The following POLR3B variants were observed in gnomAD, a reference collection of about 807,000 sequenced individuals.
The protein encoded by POLR3B is DNA-directed RNA polymerase III subunit RPC2.
In POLR3B, 96 loss-of-function variants were observed where a neutral mutation model predicts 147.4. The ratio of observed to expected loss-of-function variants is 0.65; its 90% confidence interval spans 0.55 to 0.77. The LOEUF (loss-of-function observed/expected upper bound fraction) is 0.77, where lower values mean the gene tolerates loss of function less well. Ranked by LOEUF, POLR3B falls within the 30% of genes least tolerant of loss-of-function variation. The pLI, the probability that POLR3B is intolerant of heterozygous loss-of-function variation, is 0.00. For synonymous variants in POLR3B, 461 were observed against 485.9 expected (o/e 0.95, Z 0.67); for missense variants, 1,036 against 1,413.5 (o/e 0.73, Z 4.28).
At position 106,433,845 on chromosome 12, in the gene POLR3B, T is replaced by C. The variant is rs2037541269; in HGVS notation, c.1754T>C (p.Ile585Thr). The change falls in exon 16 of 28, where the codon ATT (isoleucine) becomes ACT (threonine). Residue 585 changes from isoleucine (I) to threonine (T), a missense_variant. This residue lies in a region of POLR3B where 177 missense variants were observed against 232.7 expected (regional missense o/e 0.76). Transcript: ENST00000228347. The stretch of plus-strand genomic sequence containing the variant: ...AATCTTACAGATCGATGTGTCTATA[T>C]TTCTTCTGATGGGGGAAGGCTATGC... ...STNLTDRCVY[I>T]SSDGGRLCRP... is the part of the protein sequence containing the mutation. The C allele has an allele frequency of 6.2e-7, 1 of 1,613,756 alleles. No homozygotes were observed. Among genetic ancestry groups the C allele is most frequent in the African/African-American group, 1.3e-5 (1 of 75,046 alleles).
In POLR3B at chr12:106,361,994, G is replaced by A. The variant is rs574134482; in HGVS notation, c.73-1876G>A. 1.1e-4 allele frequency among the ~76,000 whole-genome samples: 17 copies of A among 152,286 alleles called. No individual in the cohort carries two copies. In the East Asian group the frequency reaches 2.9e-3, roughly 26 times the overall value. On this transcript the variant is annotated intron_variant, in intron 1 of 27. Transcript: ENST00000228347. ...GGTAGGTCAGAGTCCTGACTATAAC[G>A]GAATGAAGGAGTGGGAAGTGAGGAA...
intron 23 of POLR3B, among the ~76,000 whole-genome samples, chr12:106,467,463 G>T (rs1354787265): frequency 6.6e-6 from 1 of 152,146 alleles, no homozygotes; most frequent in Non-Finnish European, 1.5e-5. Context: ...TTGCCTGATT[G>T]CCCTGGCCAG....
chr12:106,442,057 G>A (rs907653444), intron 18 of POLR3B, among the ~76,000 whole-genome samples: 1 of 149,764 alleles, frequency 6.7e-6, no homozygotes, highest in African/African-American at 2.5e-5. Flanking sequence ...TCCAGCCTGG[G>A]CAGCAAGAGC....
intron 23 of POLR3B, among the ~76,000 whole-genome samples, chr12:106,477,945 C>G (rs1466165514): frequency 7.2e-5 from 9 of 124,682 alleles, no homozygotes; most frequent in African/African-American, 1.2e-4. Flanking sequence ...CACTCTGTCA[C>G]CCAGGCTGGA....
chr12:106,448,420 G>A (rs979812697), intron 19 of POLR3B, among the ~76,000 whole-genome samples: 6 of 104,988 alleles, frequency 5.7e-5, no homozygotes, highest in Non-Finnish European at 1.2e-4. Context: ...CTTTACATAC[G>A]TTATTTCTTT....
chr12:106,392,459 G>A (rs976833098), intron 9 of POLR3B, among the ~76,000 whole-genome samples: 2 of 152,128 alleles, frequency 1.3e-5, no homozygotes, highest in Admixed American at 1.3e-4. Context: ...CACCATGCCT[G>A]GCCCATGTGT....
intron 1 of POLR3B, among the ~76,000 whole-genome samples, chr12:106,361,814 G>A (rs536584176): frequency 1.8e-3 from 267 of 152,282 alleles, no homozygotes; most frequent in African/African-American, 6.0e-3. Context: ...AGGCCCGGCC[G>A]GAGGAAGGAA....
At position 106,391,268 on chromosome 12, in the gene POLR3B, C is replaced by T. The variant is rs2264760; in HGVS notation, c.724-1763C>T. 7.5e-3 allele frequency among the ~76,000 whole-genome samples: 1,138 copies of T among 152,184 alleles called. 5 individuals are homozygous for T. Among genetic ancestry groups the T allele is most frequent in the Middle Eastern group, 0.034 (10 of 294 alleles). On this transcript the variant is annotated intron_variant, in intron 9 of 27. Transcript: ENST00000228347. ...TTTCCATGACATGGTAGCTATCTTC[C>T]CCCAGAGAGAGCACTTTCAGACAGA...
chr12:106,474,046 CCTAAT>C (rs2038128237), intron 23 of POLR3B, among the ~76,000 whole-genome samples: 1 of 106,806 alleles, frequency 9.4e-6, no homozygotes, highest in Admixed American at 9.8e-5. Context: ...CCCATCAATA[CCTAAT>C]TTATTGAGAG....
intron 21 of POLR3B, among the ~76,000 whole-genome samples, chr12:106,458,984 G>C (rs1372299733): frequency 6.6e-6 from 1 of 152,118 alleles, no homozygotes; most frequent in African/African-American, 2.4e-5. Context: ...TCATGTTCAT[G>C]TAGTACTCTG....
At chr12:106,373,765 A>AG (rs1400869918) in intron 6 of POLR3B, among the ~76,000 whole-genome samples, 8 of 152,114 alleles carry the variant, frequency 5.3e-5, no homozygotes, top group Non-Finnish European at 1.0e-4. Flanking sequence ...AAAAAAAAAA[A>AG]TCTCTTAAAT....
chr12:106,454,415 G>A (rs1002176016), intron 19 of POLR3B, 87 bp from the exon 20 acceptor site: 4 of 734,626 alleles, frequency 5.4e-6, no homozygotes, highest in African/African-American at 3.5e-5. Context: ...AATTAGTGAT[G>A]TTAATGTATT....
chr12:106,468,574 G>C (rs1016082393), intron 23 of POLR3B, among the ~76,000 whole-genome samples: 1 of 152,080 alleles, frequency 6.6e-6, no homozygotes, highest in African/African-American at 2.4e-5. Context: ...TCTCTTGTGG[G>C]CATTTAGTGC....
chr12:106,378,043 G>A (rs919863282), intron 7 of POLR3B, among the ~76,000 whole-genome samples: 1 of 152,164 alleles, frequency 6.6e-6, no homozygotes, highest in African/African-American at 2.4e-5. Context: ...AGCTATGATT[G>A]TGCCACTGCA....
intron 23 of POLR3B, among the ~76,000 whole-genome samples, chr12:106,465,823 T>C (rs1268509925): frequency 6.6e-6 from 1 of 152,244 alleles, no homozygotes; most frequent in Non-Finnish European, 1.5e-5. Flanking sequence ...TAGTATTCCA[T>C]ACTGTATATG....
At chr12:106,471,912 G>T (rs958397986) in intron 23 of POLR3B, among the ~76,000 whole-genome samples, 1 of 150,056 alleles carries the variant, frequency 6.7e-6, no homozygotes, top group African/African-American at 2.5e-5. Context: ...TGCACATTGT[G>T]CAGGTTAGTT....
chr12:106,445,512 G>A (rs933225917), intron 19 of POLR3B, among the ~76,000 whole-genome samples: 3 of 152,056 alleles, frequency 2.0e-5, no homozygotes, highest in African/African-American at 4.8e-5. Flanking sequence ...GTACAGAGGC[G>A]TGAAGGGGAG....
At chr12:106,422,691 C>A (rs1406022379) in intron 12 of POLR3B, among the ~76,000 whole-genome samples, 1 of 152,114 alleles carries the variant, frequency 6.6e-6, no homozygotes, top group Non-Finnish European at 1.5e-5. Flanking sequence ...ATTGTATGTG[C>A]AGATCTTTTC....
intron 23 of POLR3B, among the ~76,000 whole-genome samples, chr12:106,478,187 G>T (rs757610073): frequency 6.6e-6 from 1 of 152,012 alleles, no homozygotes; most frequent in Admixed American, 6.6e-5. Flanking sequence ...GATTACAGAC[G>T]TGAGCCACCA....
Sources: gnomAD v4.1 joint callset for allele counts (sites outside exome capture counted in the v4.1 genomes callset) on GRCh38, gnomAD v4.1.1 for gene constraint, gnomAD v4.1.1 regional missense constraint, MANE v1.5 for transcripts, NCBI Gene and HGNC (gene_info 2026-07-23, HGNC 2026-07-21) for gene names.